The following PRPSAP1 variants were observed in gnomAD, a reference collection of about 807,000 sequenced individuals.
The protein encoded by PRPSAP1 is phosphoribosyl pyrophosphate synthetase associated protein 1, also known as phosphoribosyl pyrophosphate synthase-associated protein 1.
In PRPSAP1, 31 loss-of-function variants were observed where a neutral mutation model predicts 39.4. The ratio of observed to expected loss-of-function variants is 0.79; its 90% CI spans 0.59 to 1.06. The LOEUF (loss-of-function observed/expected upper bound fraction) is 1.06, where lower values mean the gene tolerates loss of function less well. Ranked by LOEUF, PRPSAP1 falls within the 50% of genes least tolerant of loss-of-function variation. The probability of loss-of-function intolerance (pLI) is 0.00; values close to 1 mark genes in which losing one functional copy is unlikely to be tolerated. For missense variants in PRPSAP1, 430 were observed against 511.6 expected (o/e 0.84, Z 1.54); for synonymous variants, 212 against 192.6 (o/e 1.10, Z -0.83).
intron 2 of PRPSAP1, among the ~76,000 whole-genome samples, chr17:76,346,626 A>G (rs1485820749): frequency 1.3e-5 from 2 of 152,224 alleles, no homozygotes; most frequent in South Asian, 2.1e-4. Flanking sequence ...AAACTCTGCC[A>G]TATTCATTTC....
At chr17:76,345,519 G>C (rs964143633) in intron 2 of PRPSAP1, among the ~76,000 whole-genome samples, 1 of 150,648 alleles carries the variant, frequency 6.6e-6, no homozygotes, top group Admixed American at 6.7e-5. Context: ...CCAGTGGGAG[G>C]ATCACCTGAG....
chr17:76,319,096 G>T (rs9907526), intron 7 of PRPSAP1, among the ~76,000 whole-genome samples: 3 of 151,612 alleles, frequency 2.0e-5, no homozygotes, highest in East Asian at 3.9e-4. Context: ...TGTGCCACCA[G>T]GCCTGGCTAA....
intron 2 of PRPSAP1, among the ~76,000 whole-genome samples, chr17:76,347,416 G>C (rs2071518384): frequency 1.3e-5 from 2 of 149,868 alleles, no homozygotes; most frequent in Admixed American, 1.3e-4. Flanking sequence ...GAACCTGGGA[G>C]GTGGAGGTTG....
Position 76,332,412 on chromosome 17 carries a change from T to C in PRPSAP1, c.314A>G (p.Glu105Gly), listed in dbSNP as rs1203248487. 3.1e-6 allele frequency: 5 copies of C among 1,614,192 alleles called. No individual in the cohort carries two copies. The East Asian group carries it at 8.9e-5, about 29-fold the overall frequency. Reference sequence around the variant, plus strand: ...CAGTGCGTAAGCCATGATGAGCAACTCCATCACAGCTGTATTCACATCTCT... The same window carrying C: ...CAGTGCGTAAGCCATGATGAGCAACCCCATCACAGCTGTATTCACATCTCT... Reference protein sequence around the residue: ...IPRDVNTAVMELLIMAYALKT... With the variant: ...IPRDVNTAVMGLLIMAYALKT... Residue 105 changes from glutamate to glycine, a missense_variant, in exon 4 of 10, where the codon GAG becomes GGG. Coordinates refer to ENST00000446526, the MANE Select transcript of PRPSAP1 (RefSeq NM_002766.3).
intron 9 of PRPSAP1, 80 bp from the exon 10 acceptor site, chr17:76,311,780 C>T (rs768658902): frequency 2.7e-6 from 4 of 1,466,534 alleles, no homozygotes; most frequent in Non-Finnish European, 3.7e-6. Context: ...GCTTATCTAA[C>T]ATTGAGTTCC....
intron 4 of PRPSAP1, 25 bp downstream of exon 4, chr17:76,332,236 AAC>A (rs1262002120): frequency 1.9e-6 from 3 of 1,609,296 alleles, no homozygotes; most frequent in African/African-American, 2.7e-5. Context: ...ATCATGCTGG[AAC>A]CCCAGGGCCC....
At chr17:76,320,353 A>AAGTAAGAAAGAT (rs149763636) in intron 7 of PRPSAP1, among the ~76,000 whole-genome samples, 1 of 118,544 alleles carries the variant, frequency 8.4e-6, no homozygotes, top group South Asian at 2.8e-4. Flanking sequence ...GGAAGGAAGG[A>AAGTAAGAAAGAT]AGAAAAAGGA....
At chr17:76,330,781 T>G (rs1483134948) in intron 4 of PRPSAP1, 115 bp from the exon 5 acceptor site, 3 of 619,306 alleles carry the variant, frequency 4.8e-6, no homozygotes, top group Non-Finnish European at 8.4e-6. Context: ...GACGGGGTAC[T>G]GTGATTAAGC....
At chr17:76,331,919 T>C (rs2071325763) in intron 4 of PRPSAP1, among the ~76,000 whole-genome samples, 1 of 152,100 alleles carries the variant, frequency 6.6e-6, no homozygotes, top group African/African-American at 2.4e-5. Flanking sequence ...AAATGGAATT[T>C]AGCTAACAAA....
At chr17:76,349,812 G>A (rs868294416) in intron 1 of PRPSAP1, among the ~76,000 whole-genome samples, 6 of 151,666 alleles carry the variant, frequency 4.0e-5, no homozygotes, top group East Asian at 1.9e-4. Flanking sequence ...CAGGCCAGGC[G>A]CAGTGGTTCA....
intron 7 of PRPSAP1, among the ~76,000 whole-genome samples, chr17:76,325,737 T>G (rs1450816353): frequency 1.3e-5 from 2 of 151,342 alleles, no homozygotes; most frequent in African/African-American, 4.9e-5. Context: ...ACCCGGTAGC[T>G]GGGACTACAG....
At chr17:76,330,170 T>G (rs2071305389) in intron 5 of PRPSAP1, 72 bp from the exon 6 acceptor site, 4 of 1,367,694 alleles carry the variant, frequency 2.9e-6, no homozygotes, top group Non-Finnish European at 3.1e-6. Context: ...GGTATTCAAG[T>G]TTTCCCTCTT....
chr17:76,316,181 A>G (rs1194201141), intron 7 of PRPSAP1, among the ~76,000 whole-genome samples: 3 of 147,354 alleles, frequency 2.0e-5, no homozygotes, highest in Admixed American at 6.6e-5. Flanking sequence ...GTCTAAAAAA[A>G]AAAAAAAAAA....
chr17:76,347,064 C>A lies in PRPSAP1; in HGVS notation c.223+1465G>T, dbSNP rs569208282. On this transcript the variant is annotated intron_variant, in intron 2 of 9. Coordinates refer to ENST00000446526, the MANE Select transcript of PRPSAP1 (RefSeq NM_002766.3). Reference sequence around the variant, plus strand: ...GCTAGCCATGACGAAGGAGAAAGAACAATGGGGCTGGAAAAAAGGGCCTCA... The same window carrying A: ...GCTAGCCATGACGAAGGAGAAAGAAAAATGGGGCTGGAAAAAAGGGCCTCA... Among the ~76,000 whole-genome samples the A allele has an allele frequency of 4.6e-5, 7 of 151,992 alleles. 1 individual carries two copies. In the East Asian group the frequency reaches 1.4e-3, roughly 29 times the overall value.
intron 3 of PRPSAP1, among the ~76,000 whole-genome samples, chr17:76,333,503 G>C (rs1032098028): frequency 6.6e-6 from 1 of 152,014 alleles, no homozygotes; most frequent in Admixed American, 6.6e-5. Flanking sequence ...AAATTAGCCA[G>C]GTGTGGTGGC....
chr17:76,329,273 C>G (rs991056839), intron 6 of PRPSAP1, among the ~76,000 whole-genome samples: 2 of 152,024 alleles, frequency 1.3e-5, no homozygotes, highest in Non-Finnish European at 2.9e-5. Flanking sequence ...CTATGTTGCC[C>G]AGGCTGGTCT....
At chr17:76,345,304 TA>T (rs1380561744) in intron 2 of PRPSAP1, among the ~76,000 whole-genome samples, 2 of 129,706 alleles carry the variant, frequency 1.5e-5, no homozygotes, top group East Asian at 4.7e-4. Flanking sequence ...CTGTCTCTAC[TA>T]AAAATACAAA....
intron 3 of PRPSAP1, among the ~76,000 whole-genome samples, chr17:76,338,828 G>T (rs1299607209): frequency 1.3e-5 from 2 of 151,806 alleles, no homozygotes; most frequent in African/African-American, 4.8e-5. Context: ...GAGGTCAGGG[G>T]TTCAAAACCA....
intron 3 of PRPSAP1, among the ~76,000 whole-genome samples, chr17:76,333,280 T>G (rs1247672662): frequency 6.6e-6 from 1 of 152,066 alleles, no homozygotes; most frequent in Non-Finnish European, 1.5e-5. Flanking sequence ...GTGGCTAATT[T>G]TGTATTTTTA....
Sources: allele counts gnomAD v4.1 joint callset (sites outside exome capture counted in the v4.1 genomes callset), GRCh38; gene constraint gnomAD v4.1.1; transcripts MANE v1.5; gene names NCBI Gene and HGNC (gene_info 2026-07-23, HGNC 2026-07-21).